KCND2: variants seen among roughly 807,000 people sequenced by gnomAD.
KCND2 encodes the protein potassium voltage-gated channel subfamily D member 2, also known as A-type voltage-gated potassium channel KCND2.
Under a neutral mutation model 54.4 loss-of-function variants are expected in KCND2, and 16 were observed. The observed-to-expected ratio is 0.29, with a 90% CI of 0.20 to 0.45. The LOEUF is 0.45. Among genes scored for constraint, KCND2 ranks in the 20% least tolerant of loss-of-function variants. KCND2 has a pLI of 1.00. For synonymous variants in KCND2, 317 were observed against 310.7 expected (o/e 1.02, Z -0.21); for missense variants, 486 against 824.2 (o/e 0.59, Z 5.02).
intron 1 of KCND2, among the ~76,000 whole-genome samples, chr7:120,407,558 G>A (rs1801380150): frequency 6.6e-6 from 1 of 151,846 alleles, no homozygotes; most frequent in Non-Finnish European, 1.5e-5. Context: ...TCTCCTTTCT[G>A]TGCCTCAGTT....
At chr7:120,512,306 A>G (rs1350150570) in intron 1 of KCND2, among the ~76,000 whole-genome samples, 1 of 152,092 alleles carries the variant, frequency 6.6e-6, no homozygotes, top group Non-Finnish European at 1.5e-5. Flanking sequence ...AAGTATATGT[A>G]CAGTTGTTTA....
At chr7:120,660,871 A>G (rs1791857439) in intron 1 of KCND2, among the ~76,000 whole-genome samples, 1 of 152,232 alleles carries the variant, frequency 6.6e-6, no homozygotes, top group Non-Finnish European at 1.5e-5. Context: ...TGAGATGGGT[A>G]AGAGAAAGAG....
intron 1 of KCND2, among the ~76,000 whole-genome samples, chr7:120,519,926 CAT>C (rs946651837): frequency 1.3e-5 from 2 of 151,968 alleles, no homozygotes; most frequent in African/African-American, 4.8e-5. Flanking sequence ...AATATTAAGA[CAT>C]ATAATGATTT....
At chr7:120,286,789 T>C (rs1247685492) in intron 1 of KCND2, among the ~76,000 whole-genome samples, 5 of 152,104 alleles carry the variant, frequency 3.3e-5, no homozygotes, top group African/African-American at 1.2e-4. Context: ...TTTGAAATTA[T>C]ATACTTATTC....
At chr7:120,546,783 A>G (rs1200954637) in intron 1 of KCND2, among the ~76,000 whole-genome samples, 2 of 152,046 alleles carry the variant, frequency 1.3e-5, no homozygotes, top group Non-Finnish European at 2.9e-5. Context: ...AGAATGTAAA[A>G]CACAATATAG....
intron 1 of KCND2, among the ~76,000 whole-genome samples, chr7:120,595,943 G>A (rs1792740489): frequency 6.6e-6 from 1 of 151,852 alleles, no homozygotes; most frequent in African/African-American, 2.4e-5. Context: ...GGGGAAATGG[G>A]GGAAGGGATG....
At chr7:120,424,987 A>C (rs1321689785) in intron 1 of KCND2, among the ~76,000 whole-genome samples, 2 of 152,250 alleles carry the variant, frequency 1.3e-5, no homozygotes, top group African/African-American at 4.8e-5. Context: ...ATTTCAAGGA[A>C]AAGTTTACTA....
At position 120,749,355 on chromosome 7, in the gene KCND2, A is replaced by G. The variant is rs538175677; in HGVS notation, c.*1497A>G. ...TGCAAAGTTGATCTCTGTACATTTA[A>G]GTGAAAAGTCTTTATAACTTTTCAC... is the stretch of plus-strand genomic sequence containing the variant. On this transcript the variant is annotated 3_prime_UTR_variant, in exon 6 of 6. Coordinates refer to ENST00000331113, the MANE Select transcript of KCND2 (RefSeq NM_012281.3). 2 of 152,468 alleles carry G rather than the reference A, an allele frequency of 1.3e-5. No individual in the cohort carries two copies. The highest frequency in any genetic ancestry group is 1.3e-4 in the Admixed American group (2 of 15,260). 9.4% of individuals were successfully genotyped at this position (152,468 alleles called of 1,614,324 possible).
chr7:120,382,767 T>G (rs536221166), intron 1 of KCND2, among the ~76,000 whole-genome samples: 1 of 151,844 alleles, frequency 6.6e-6, no homozygotes, highest in Non-Finnish European at 1.5e-5. Context: ...GGGTACTTGC[T>G]CAAAATAAAT....
At chr7:120,685,004 G>A (rs1297766913) in intron 1 of KCND2, among the ~76,000 whole-genome samples, 1 of 152,130 alleles carries the variant, frequency 6.6e-6, no homozygotes, top group African/African-American at 2.4e-5. Flanking sequence ...ATATTACAAA[G>A]TAATACCAAT....
chr7:120,547,967 G>T (rs1792063299), intron 1 of KCND2, among the ~76,000 whole-genome samples: 1 of 152,006 alleles, frequency 6.6e-6, no homozygotes, highest in South Asian at 2.1e-4. Context: ...TCACAAACAT[G>T]TTGTATATCA....
At chr7:120,660,847 C>CT in intron 1 of KCND2, among the ~76,000 whole-genome samples, 1 of 152,258 alleles carries the variant, frequency 6.6e-6, no homozygotes, top group South Asian at 2.1e-4. Flanking sequence ...TCCAATAGGT[C>CT]TTTTTCTAGA....
intron 2 of KCND2, among the ~76,000 whole-genome samples, chr7:120,739,482 C>T (rs1792913340): frequency 6.6e-6 from 1 of 151,980 alleles, no homozygotes; most frequent in Non-Finnish European, 1.5e-5. Context: ...TTTCTACCTT[C>T]CAATTTCATT....
intron 1 of KCND2, among the ~76,000 whole-genome samples, chr7:120,545,311 T>A (rs898687124): frequency 8.6e-5 from 13 of 151,904 alleles, no homozygotes; most frequent in Non-Finnish European, 1.8e-4. Context: ...GTCTTCTCAG[T>A]CTAATATCAT....
chr7:120,671,179 G>A (rs1284802555), intron 1 of KCND2, among the ~76,000 whole-genome samples: 1 of 151,918 alleles, frequency 6.6e-6, no homozygotes, highest in Non-Finnish European at 1.5e-5. Context: ...GCCATAGATC[G>A]GGGTCCCCAG....
intron 1 of KCND2, among the ~76,000 whole-genome samples, chr7:120,384,136 G>A (rs971940845): frequency 4.6e-5 from 7 of 151,912 alleles, no homozygotes; most frequent in African/African-American, 1.7e-4. Context: ...AGGTAAATAC[G>A]ATGTAAACAG....
intron 1 of KCND2, among the ~76,000 whole-genome samples, chr7:120,582,976 G>A (rs1792538034): frequency 6.6e-6 from 1 of 150,694 alleles, no homozygotes; most frequent in African/African-American, 2.5e-5. Context: ...GTGTGTGTGT[G>A]TGTATGTTTT....
chr7:120,647,280 C>T (rs147007918), intron 1 of KCND2, among the ~76,000 whole-genome samples: 1 of 152,262 alleles, frequency 6.6e-6, no homozygotes, highest in Non-Finnish European at 1.5e-5. Flanking sequence ...AACAGGCTGC[C>T]TGGCAGCCCT....
At chr7:120,516,825 G>A (rs564736037) in intron 1 of KCND2, among the ~76,000 whole-genome samples, 181 of 152,222 alleles carry the variant, frequency 1.2e-3, no homozygotes, top group African/African-American at 4.2e-3. Flanking sequence ...CTTTTTAATA[G>A]AGGGAACATG....
Sources: gnomAD v4.1 joint callset for allele counts (sites outside exome capture counted in the v4.1 genomes callset) on GRCh38, gnomAD v4.1.1 for gene constraint, MANE v1.5 for transcripts, NCBI Gene and HGNC (gene_info 2026-07-23, HGNC 2026-07-21) for gene names.